Variants in ATP2B2 observed in about 807,000 individuals in gnomAD.
ATP2B2 encodes ATPase plasma membrane Ca2+ transporting 2.
ATP2B2 carries 15 observed loss-of-function variants against 120.0 expected under a neutral mutation model. The ratio of observed to expected loss-of-function variants is 0.12; its 90% CI spans 0.08 to 0.19. The LOEUF (loss-of-function observed/expected upper bound fraction) is 0.19. ATP2B2 is among the 10% of genes least tolerant of loss of function. The pLI is 1.00. For missense variants in ATP2B2, 1,045 were observed against 1,719.8 expected (o/e 0.61, Z 6.94); for synonymous variants, 694 against 700.3 (o/e 0.99, Z 0.14).
intron 1 of ATP2B2, among the ~76,000 whole-genome samples, chr3:10,484,423 G>C (rs909892205): frequency 6.6e-6 from 1 of 152,074 alleles, no homozygotes; most frequent in Non-Finnish European, 1.5e-5. Context: ...GGATCCTGGG[G>C]ATGCCCTCAG....
intron 1 of ATP2B2, among the ~76,000 whole-genome samples, chr3:10,706,179 T>G (rs73128096): frequency 0.023 from 3,475 of 151,808 alleles, 148 homozygotes; most frequent in African/African-American, 0.079. Flanking sequence ...GCTTAGGGAG[T>G]GAGTGAGTGA....
intron 1 of ATP2B2, among the ~76,000 whole-genome samples, chr3:10,689,897 G>A (rs1454733954): frequency 6.6e-6 from 1 of 152,226 alleles, no homozygotes; most frequent in Non-Finnish European, 1.5e-5. Context: ...TCCTCAGTGA[G>A]GGTAGGGTGA....
chr3:10,541,445 A>C (rs1052369946), intron 2 of ATP2B2, among the ~76,000 whole-genome samples: 3 of 152,192 alleles, frequency 2.0e-5, no homozygotes, highest in African/African-American at 7.2e-5. Context: ...TGGTTCCACA[A>C]ATCTTGATAG....
chr3:10,379,310 C>A (rs749337254), intron 8 of ATP2B2, 26 bp from the exon 9 acceptor site: 5 of 1,612,506 alleles, frequency 3.1e-6, no homozygotes, highest in Non-Finnish European at 4.2e-6. Context: ...TTTTAACAGA[C>A]AACAGAGAAC....
At chr3:10,515,352 C>T (rs954880912) in intron 3 of ATP2B2, among the ~76,000 whole-genome samples, 1 of 152,188 alleles carries the variant, frequency 6.6e-6, no homozygotes, top group Non-Finnish European at 1.5e-5. Context: ...GGTGACAACA[C>T]TTTTAATTCA....
At chr3:10,381,001 G>A (rs1397909967) in intron 8 of ATP2B2, among the ~76,000 whole-genome samples, 1 of 152,178 alleles carries the variant, frequency 6.6e-6, no homozygotes, top group African/African-American at 2.4e-5. Flanking sequence ...TGAGGCCAAG[G>A]GAAGTTCAGA....
At chr3:10,632,968 G>A (rs1240947953) in intron 1 of ATP2B2, among the ~76,000 whole-genome samples, 1 of 152,242 alleles carries the variant, frequency 6.6e-6, no homozygotes, top group Admixed American at 6.5e-5. Context: ...CAAATGGAGG[G>A]GGGCACATCT....
chr3:10,514,322 G>A (rs1433024462), intron 3 of ATP2B2, among the ~76,000 whole-genome samples: 4 of 152,168 alleles, frequency 2.6e-5, no homozygotes, highest in Non-Finnish European at 5.9e-5. Context: ...CAAGCCTGAA[G>A]GAGGAGGACA....
intron 3 of ATP2B2, among the ~76,000 whole-genome samples, chr3:10,514,360 G>A (rs2066834654): frequency 6.6e-6 from 1 of 152,158 alleles, no homozygotes; most frequent in African/African-American, 2.4e-5. Flanking sequence ...CTTGGGAGAT[G>A]GTGATGCTGA....
chr3:10,449,924 G>A lies in ATP2B2; in HGVS notation c.-319-62C>T, dbSNP rs2063973885. 13 of 360,508 alleles carry A rather than the reference G, an allele frequency of 3.6e-5. No homozygotes were observed. In the Admixed American group the frequency reaches 4.7e-4, roughly 13 times the overall value. 22.3% of individuals were successfully genotyped at this position (360,508 alleles called of 1,614,324 possible). ...GCACTGGAGGCCACATGGGACAGGT[G>A]CTCAGGAAGGCCCCAGGCACACGCA... On this transcript the variant is annotated intron_variant, in intron 1 of 22. Coordinates refer to ENST00000360273, the MANE Select transcript of ATP2B2 (RefSeq NM_001001331.4).
At chr3:10,452,366 T>G (rs1048922630) in intron 1 of ATP2B2, among the ~76,000 whole-genome samples, 1 of 152,182 alleles carries the variant, frequency 6.6e-6, no homozygotes, top group Non-Finnish European at 1.5e-5. Flanking sequence ...CCCTCCCCAG[T>G]CTAGGGCCAG....
chr3:10,350,235 G>GGGT, intron 15 of ATP2B2, 36 bp from the exon 16 acceptor site: 1 of 1,562,564 alleles, frequency 6.4e-7, no homozygotes, highest in Admixed American at 1.7e-5. Context: ...GGTCGGTGGG[G>GGGT]TCGGGGAGAG....
chr3:10,656,680 G>A (rs1259409900), intron 1 of ATP2B2, among the ~76,000 whole-genome samples: 2 of 152,246 alleles, frequency 1.3e-5, no homozygotes, highest in African/African-American at 4.8e-5. Context: ...TTCTAGTGGA[G>A]AGATGCAAAA....
intron 5 of ATP2B2, among the ~76,000 whole-genome samples, chr3:10,397,236 G>C (rs557077153): frequency 2.0e-4 from 31 of 152,324 alleles, no homozygotes; most frequent in Non-Finnish European, 7.3e-5. Context: ...TTCCAGTTCA[G>C]AGCTCCCGGC....
At chr3:10,598,546 G>T (rs1355975429) in intron 2 of ATP2B2, among the ~76,000 whole-genome samples, 10 of 152,172 alleles carry the variant, frequency 6.6e-5, no homozygotes, top group Non-Finnish European at 2.9e-5. Context: ...AAAAGAGAAT[G>T]CCACCCTGAG....
intron 2 of ATP2B2, among the ~76,000 whole-genome samples, chr3:10,444,278 A>G (rs113948312): frequency 0.023 from 3,508 of 151,812 alleles, 128 homozygotes; most frequent in African/African-American, 0.081. Context: ...TTCCCTGTTG[A>G]CCTCTCAGGG....
chr3:10,689,266 G>A (rs916998603), intron 1 of ATP2B2, among the ~76,000 whole-genome samples: 2 of 152,116 alleles, frequency 1.3e-5, no homozygotes, highest in African/African-American at 4.8e-5. Context: ...GGCACATGAG[G>A]GTTTTGGTAG....
intron 1 of ATP2B2, among the ~76,000 whole-genome samples, chr3:10,623,621 G>T (rs181349406): frequency 3.9e-5 from 6 of 152,290 alleles, no homozygotes; most frequent in Non-Finnish European, 7.4e-5. Flanking sequence ...TGGGCGGAAG[G>T]CCTGCCTGCA....
At chr3:10,699,067 G>A (rs1447750463) in intron 1 of ATP2B2, among the ~76,000 whole-genome samples, 3 of 152,174 alleles carry the variant, frequency 2.0e-5, no homozygotes, top group Non-Finnish European at 2.9e-5. Flanking sequence ...TTCCAGCCCA[G>A]CCACAATCAC....
Sources: allele counts gnomAD v4.1 joint callset (sites outside exome capture counted in the v4.1 genomes callset), GRCh38; gene constraint gnomAD v4.1.1; transcripts MANE v1.5; gene names NCBI Gene and HGNC (gene_info 2026-07-23, HGNC 2026-07-21).